Variants in OCA2 observed in about 807,000 individuals in gnomAD.
OCA2 encodes P protein.
Under a neutral mutation model 100.2 loss-of-function variants are expected in OCA2, and 77 were observed. The ratio of observed to expected loss-of-function variants is 0.77; its 90% CI spans 0.64 to 0.93. The LOEUF is 0.93. Ranked by LOEUF, OCA2 falls within the 40% of genes least tolerant of loss-of-function variation. OCA2 has a pLI of 0.00. For synonymous variants in OCA2, 432 were observed against 439.2 expected (o/e 0.98, Z 0.21); for missense variants, 1,062 against 1,089.1 (o/e 0.98, Z 0.35).
intron 23 of OCA2, among the ~76,000 whole-genome samples, chr15:27,819,455 C>T (rs2034423346): frequency 6.6e-6 from 1 of 152,220 alleles, no homozygotes; most frequent in Non-Finnish European, 1.5e-5. Context: ...ACTGTACAAG[C>T]TCACTATACT....
chr15:27,818,539 C>T (rs1011872768), intron 23 of OCA2, among the ~76,000 whole-genome samples: 1 of 151,878 alleles, frequency 6.6e-6, no homozygotes, highest in Non-Finnish European at 1.5e-5. Context: ...ATTAACAAAC[C>T]CTGGAGAGTC....
chr15:27,740,077 C>T, the OCA2 span, among the ~76,000 whole-genome samples: 1 of 152,196 alleles, frequency 6.6e-6, no homozygotes, highest in Non-Finnish European at 1.5e-5. Context: ...TTCCACTTTC[C>T]TGTCTTGAGA....
At chr15:28,094,868 G>A (rs1595939966) in intron 1 of OCA2, among the ~76,000 whole-genome samples, 1 of 152,234 alleles carries the variant, frequency 6.6e-6, no homozygotes, top group Admixed American at 6.5e-5. Flanking sequence ...CCAGGGCGGA[G>A]TGGGGCGACG....
chr15:27,814,218 A>AT (rs1347861532), intron 23 of OCA2, among the ~76,000 whole-genome samples: 1 of 152,104 alleles, frequency 6.6e-6, no homozygotes, highest in Admixed American at 6.5e-5. Context: ...TTTAATTAAA[A>AT]AAAACAAGAA....
intron 23 of OCA2, among the ~76,000 whole-genome samples, chr15:27,842,704 C>T (rs1382703071): frequency 6.6e-6 from 1 of 152,200 alleles, no homozygotes; most frequent in African/African-American, 2.4e-5. Flanking sequence ...CAAGAAGATG[C>T]ATGTGATTCA....
At chr15:27,789,709 GC>G (rs1228103782) in intron 23 of OCA2, among the ~76,000 whole-genome samples, 1 of 152,016 alleles carries the variant, frequency 6.6e-6, no homozygotes, top group African/African-American at 2.4e-5. Context: ...TTGATTTTTA[GC>G]AAAAGTACAA....
chr15:27,951,652 T>C, intron 18 of OCA2, 132 bp downstream of exon 18: 1 of 731,750 alleles, frequency 1.4e-6, no homozygotes, highest in Admixed American at 2.0e-5. Context: ...CTGCCCACCC[T>C]CCATCTCAGC....
At chr15:27,961,794 G>A (rs556045798) in intron 15 of OCA2, among the ~76,000 whole-genome samples, 56 of 152,118 alleles carry the variant, frequency 3.7e-4, no homozygotes, top group African/African-American at 1.3e-3. Context: ...ACCGGGGGCT[G>A]TCGGAGGGTT....
Position 27,990,627 on chromosome 15 carries a change from C to T in OCA2, c.1065G>A (p.Ala355=), listed in dbSNP as rs1800404. Reference sequence around the variant, plus strand: ...GTGCTGCAAGGGAACCCAGCATGGCCGCCAGAGTTCTGTGCACGATCTGGA... The same window carrying T: ...GTGCTGCAAGGGAACCCAGCATGGCTGCCAGAGTTCTGTGCACGATCTGGA... ...IIFEIVHRTL[A]AMLGSLAALA... is the part of the protein sequence containing the mutation. Residue 355 remains alanine, a synonymous_variant, in exon 10 of 24, where the codon GCG becomes GCA. Transcript: ENST00000354638. 0.72 allele frequency: 1,157,539 copies of T among 1,613,344 alleles called. 438,294 individuals carry two copies. The highest frequency in any genetic ancestry group is 0.79 in the Non-Finnish European group (933,801 of 1,179,600).
intron 9 of OCA2, among the ~76,000 whole-genome samples, chr15:27,994,962 C>A (rs1447644310): frequency 1.3e-5 from 2 of 152,058 alleles, no homozygotes; most frequent in African/African-American, 4.8e-5. Context: ...GCAGGGATAG[C>A]TAAAGTTATA....
the OCA2 span, among the ~76,000 whole-genome samples, chr15:27,748,172 G>A: frequency 6.6e-6 from 1 of 152,174 alleles, no homozygotes; most frequent in Non-Finnish European, 1.5e-5. Context: ...GACAATAAGT[G>A]TTCCTCTTCC....
At chr15:28,062,276 G>A (rs1448957904) in intron 2 of OCA2, among the ~76,000 whole-genome samples, 2 of 152,188 alleles carry the variant, frequency 1.3e-5, no homozygotes, top group African/African-American at 4.8e-5. Context: ...GGTGTCAAAT[G>A]GCATCTCACT....
At chr15:27,732,475 G>A in the OCA2 span, among the ~76,000 whole-genome samples, 1 of 152,162 alleles carries the variant, frequency 6.6e-6, no homozygotes, top group Admixed American at 6.5e-5. Context: ...AGGTAACCAG[G>A]ATGGTAGGGG....
intron 23 of OCA2, among the ~76,000 whole-genome samples, chr15:27,810,886 G>T (rs2034049628): frequency 6.6e-6 from 1 of 152,272 alleles, no homozygotes; most frequent in Non-Finnish European, 1.5e-5. Context: ...TGTTGATGTG[G>T]ATGTCATGAA....
At chr15:28,012,527 T>C (rs1319133734) in intron 9 of OCA2, among the ~76,000 whole-genome samples, 2 of 152,170 alleles carry the variant, frequency 1.3e-5, no homozygotes, top group Non-Finnish European at 2.9e-5. Flanking sequence ...TGCTTTTTGT[T>C]TCTGTAAGGG....
In OCA2 at chr15:28,029,030, G is replaced by T. The variant is rs563215939; in HGVS notation, c.327-971C>A. ...ATCCCTGACCTGATCAGTTCCTTCAGTTTAGATGCACTTGACTCTTAAAAG... is the reference window on the plus strand; with the variant it reads ...ATCCCTGACCTGATCAGTTCCTTCATTTTAGATGCACTTGACTCTTAAAAG... On this transcript the variant is annotated intron_variant, in intron 3 of 23. Coordinates refer to ENST00000354638, the MANE Select transcript of OCA2 (RefSeq NM_000275.3). 9.9e-5 allele frequency among the ~76,000 whole-genome samples: 15 copies of T among 152,252 alleles called. No homozygotes were observed. In the South Asian group the frequency reaches 3.1e-3, roughly 32 times the overall value.
chr15:27,830,773 AG>A (rs36121367), intron 23 of OCA2, among the ~76,000 whole-genome samples: 3 of 152,350 alleles, frequency 2.0e-5, no homozygotes, highest in Admixed American at 1.3e-4. Context: ...TGCAGAAAAC[AG>A]GAAACCTGAC....
chr15:28,077,756 C>T (rs560743391), intron 2 of OCA2, among the ~76,000 whole-genome samples: 26 of 152,290 alleles, frequency 1.7e-4, no homozygotes, highest in East Asian at 1.5e-3. Flanking sequence ...ACTGATAAGA[C>T]GCAAAAAACC....
rs755792708 is a variant in OCA2 at position 27,985,192 on chromosome 15, GC to G, written c.1240-5del. ...GTCCCCGGGAGAGCCGGTATGCCTG[GC>G]CACACACACACAGAGAGAGTACAAG... On this transcript the variant is annotated splice_polypyrimidine_tract_variant and splice_region_variant and intron_variant, in intron 12 of 23. Coordinates refer to ENST00000354638, the MANE Select transcript of OCA2 (RefSeq NM_000275.3). 7 of 1,613,648 alleles carry G rather than the reference GC, an allele frequency of 4.3e-6. No individual in the cohort carries two copies. Among genetic ancestry groups the G allele is most frequent in the Middle Eastern group, 1.6e-4 (1 of 6,062 alleles).
Sources: allele counts gnomAD v4.1 joint callset (sites outside exome capture counted in the v4.1 genomes callset), GRCh38; gene constraint gnomAD v4.1.1; transcripts MANE v1.5; gene names NCBI Gene and HGNC (gene_info 2026-07-23, HGNC 2026-07-21).